NBEA: variants seen among roughly 807,000 people sequenced by gnomAD.
NBEA encodes lysosomal-trafficking regulator 2.
A neutral mutation model predicts 343.4 loss-of-function variants in NBEA; 44 were observed. The observed-to-expected ratio is 0.13, with a 90% CI of 0.10 to 0.16. NBEA has a LOEUF of 0.16. Among genes scored for constraint, NBEA ranks in the 10% least tolerant of loss-of-function variants. The pLI, the probability that NBEA is intolerant of heterozygous loss-of-function variation, is 1.00. For missense variants in NBEA, 2,555 were observed against 3,631.3 expected, an observed-to-expected ratio of 0.70 and a Z score of 7.62; for synonymous variants, 1,175 against 1,238.7, an observed-to-expected ratio of 0.95 and a Z score of 1.08.
chr13:35,018,050 ATGTGGGTTTATT>A (rs1172017614), intron 1 of NBEA, among the ~76,000 whole-genome samples: 1 of 151,964 alleles, frequency 6.6e-6, no homozygotes, highest in African/African-American at 2.4e-5. Context: ...TTTATAATTT[ATGTGGGTTTATT>A]TGTGGGTTTA....
At chr13:35,254,121 T>G (rs1450369716) in intron 34 of NBEA, among the ~76,000 whole-genome samples, 2 of 151,998 alleles carry the variant, frequency 1.3e-5, no homozygotes, top group Admixed American at 1.3e-4. Context: ...AACATGATCT[T>G]ATTTCTCCCA....
intron 34 of NBEA, among the ~76,000 whole-genome samples, chr13:35,263,280 G>C (rs990988844): frequency 6.6e-6 from 1 of 151,106 alleles, no homozygotes; most frequent in Non-Finnish European, 1.5e-5. Context: ...GAATGTAGCT[G>C]GACCCTTCAC....
At chr13:35,271,936 G>A (rs1386117073) in intron 34 of NBEA, among the ~76,000 whole-genome samples, 4 of 152,124 alleles carry the variant, frequency 2.6e-5, no homozygotes, top group African/African-American at 2.4e-5. Context: ...CATTCTTCAG[G>A]ATATTATCCA....
intron 41 of NBEA, among the ~76,000 whole-genome samples, chr13:35,487,536 A>G (rs1419781250): frequency 6.6e-6 from 1 of 151,878 alleles, no homozygotes; most frequent in Admixed American, 6.6e-5. Context: ...TCTCTACACC[A>G]TTACCAGCCA....
Position 35,122,706 on chromosome 13 carries a change from AC to A in NBEA, c.2244-775del, listed in dbSNP as rs1353609801. On this transcript the variant is annotated intron_variant, in intron 16 of 58. Transcript: ENST00000379939. ...GCACGTTGTACACATGTACCCTAGA[AC>A]TTAAAGTATATAAAACAAAATCTTA... Among the ~76,000 whole-genome samples, 6 of 152,298 alleles carry A rather than the reference AC, an allele frequency of 3.9e-5. No homozygotes were observed. In the South Asian group the frequency reaches 1.2e-3, roughly 32 times the overall value.
intron 38 of NBEA, among the ~76,000 whole-genome samples, chr13:35,387,578 G>T (rs995240166): frequency 6.6e-6 from 1 of 152,076 alleles, no homozygotes; most frequent in Non-Finnish European, 1.5e-5. Flanking sequence ...GAAAAGATTT[G>T]ATTAACAGCA....
At chr13:34,957,683 A>G (rs1304729199) in intron 1 of NBEA, among the ~76,000 whole-genome samples, 1 of 152,280 alleles carries the variant, frequency 6.6e-6, no homozygotes, top group East Asian at 1.9e-4. Flanking sequence ...AGCATGACCA[A>G]TATCTATTTG....
At chr13:35,291,198 G>A (rs2035782090) in intron 35 of NBEA, among the ~76,000 whole-genome samples, 1 of 151,828 alleles carries the variant, frequency 6.6e-6, no homozygotes, top group Non-Finnish European at 1.5e-5. Flanking sequence ...AAGAGCTTGT[G>A]TGTGTTTGTA....
intron 49 of NBEA, among the ~76,000 whole-genome samples, chr13:35,641,837 C>CAT (rs1449141304): frequency 2.0e-5 from 3 of 151,892 alleles, no homozygotes; most frequent in South Asian, 4.2e-4. Context: ...AATGTATATA[C>CAT]ATACATATAT....
At chr13:35,118,133 C>G (rs2066601610) in intron 14 of NBEA, 95 bp from the exon 15 acceptor site, 4 of 790,938 alleles carry the variant, frequency 5.1e-6, no homozygotes, top group Non-Finnish European at 7.6e-6. Flanking sequence ...ATTAAACTAA[C>G]TCTTATTTTC....
At chr13:35,096,875 A>G (rs1034301789) in intron 10 of NBEA, among the ~76,000 whole-genome samples, 4 of 151,862 alleles carry the variant, frequency 2.6e-5, no homozygotes, top group African/African-American at 7.2e-5. Context: ...ATCCCAAGAG[A>G]TTCCTTGGTA....
chr13:35,256,191 C>T (rs2032573370), intron 34 of NBEA, among the ~76,000 whole-genome samples: 1 of 151,700 alleles, frequency 6.6e-6, no homozygotes, highest in Admixed American at 6.6e-5. Context: ...GCAGGTTGTC[C>T]CTATGAATGT....
intron 39 of NBEA, among the ~76,000 whole-genome samples, chr13:35,434,261 G>A (rs1247818456): frequency 6.6e-6 from 1 of 151,964 alleles, no homozygotes; most frequent in Non-Finnish European, 1.5e-5. Flanking sequence ...AGTAACTATT[G>A]TTAATGAACC....
At chr13:35,527,607 G>A (rs1001703078) in intron 41 of NBEA, among the ~76,000 whole-genome samples, 5 of 152,184 alleles carry the variant, frequency 3.3e-5, no homozygotes, top group African/African-American at 4.8e-5. Flanking sequence ...ACACACACCC[G>A]GCTGGGTCAC....
At chr13:35,622,898 C>A (rs901740868) in intron 48 of NBEA, among the ~76,000 whole-genome samples, 2 of 151,958 alleles carry the variant, frequency 1.3e-5, no homozygotes, top group Admixed American at 6.6e-5. Flanking sequence ...TTCGGAGAAG[C>A]TTTACCCCAA....
intron 34 of NBEA, among the ~76,000 whole-genome samples, chr13:35,258,875 CAT>C (rs975753771): frequency 6.6e-6 from 1 of 152,154 alleles, no homozygotes; most frequent in Non-Finnish European, 1.5e-5. Flanking sequence ...AGAAATTCAA[CAT>C]GTTACCATAA....
At chr13:35,445,790 A>ATATATATG (rs1555267099) in intron 39 of NBEA, among the ~76,000 whole-genome samples, 3 of 69,924 alleles carry the variant, frequency 4.3e-5, no homozygotes, top group African/African-American at 7.6e-5. Flanking sequence ...GTTTATATAT[A>ATATATATG]TATATATATA....
At chr13:35,339,920 T>C (rs1192425544) in intron 36 of NBEA, among the ~76,000 whole-genome samples, 1 of 151,960 alleles carries the variant, frequency 6.6e-6, no homozygotes, top group Admixed American at 6.6e-5. Context: ...AACATACAAT[T>C]TGGGTGTGAA....
intron 38 of NBEA, among the ~76,000 whole-genome samples, chr13:35,404,941 G>A (rs911514186): frequency 1.3e-5 from 2 of 151,984 alleles, no homozygotes; most frequent in African/African-American, 4.8e-5. Context: ...ATAGAACTTG[G>A]AATGAACACG....
Sources: allele counts gnomAD v4.1 joint callset (sites outside exome capture counted in the v4.1 genomes callset), GRCh38; gene constraint gnomAD v4.1.1; transcripts MANE v1.5; gene names NCBI Gene and HGNC (gene_info 2026-07-23, HGNC 2026-07-21).